EFHC2: variants seen among roughly 807,000 people sequenced by gnomAD.
The protein encoded by EFHC2 is EF-hand domain-containing family member C2.
EFHC2 carries 18 observed loss-of-function variants against 52.7 expected under a neutral mutation model. The ratio of observed to expected loss-of-function variants is 0.34; its 90% confidence interval spans 0.24 to 0.51. The LOEUF is 0.51. Among genes scored for constraint, EFHC2 ranks in the 20% least tolerant of loss-of-function variants. The pLI is 0.97. For synonymous variants in EFHC2, 203 were observed against 204.1 expected (o/e 0.99, Z 0.04); for missense variants, 513 against 562.5 (o/e 0.91, Z 0.89).
Position 44,248,360 on chromosome X carries a change from T to C in EFHC2, c.1023A>G (p.Gly341=), listed in dbSNP as rs1481759375. 1 of 1,179,485 alleles carries C rather than the reference T, an allele frequency of 8.5e-7. No individual in the cohort carries two copies. Among genetic ancestry groups the C allele is most frequent in the Non-Finnish European group, 1.1e-6 (1 of 878,371 alleles). The change falls in exon 7 of 15, where the codon GGA becomes GGG. Residue 341 remains glycine (G), a synonymous_variant. Coordinates refer to ENST00000420999, the MANE Select transcript of EFHC2 (RefSeq NM_025184.4). Reference sequence around the variant, plus strand: ...TTCTTCCCCACACATTGATGGTGACTCCTAGGGACAGGTCACTATCTTTGT... The same window carrying C: ...TTCTTCCCCACACATTGATGGTGACCCCTAGGGACAGGTCACTATCTTTGT... The part of the protein sequence containing the change: ...EFYKDSDLSL[G]VTINVWGRKV...
intron 1 of EFHC2, among the ~76,000 whole-genome samples, chrX:44,332,241 C>G (rs1308476338): frequency 1.8e-5 from 2 of 111,206 alleles, no homozygotes; most frequent in African/African-American, 6.6e-5. Context: ...TTTAACAGAA[C>G]AGTATGTTTC....
intron 1 of EFHC2, among the ~76,000 whole-genome samples, chrX:44,316,753 T>C (rs1390155744): frequency 1.8e-5 from 2 of 111,904 alleles, no homozygotes; most frequent in Non-Finnish European, 3.8e-5. Context: ...GTCTATTATA[T>C]AGAATATATA....
intron 1 of EFHC2, among the ~76,000 whole-genome samples, chrX:44,325,424 C>T (rs910143448): frequency 9.0e-6 from 1 of 110,796 alleles, no homozygotes; most frequent in Non-Finnish European, 1.9e-5. Context: ...ATCTCAACTC[C>T]CTGATTCCCA....
chrX:44,240,850 C>T (rs1394820235), intron 8 of EFHC2, among the ~76,000 whole-genome samples: 1 of 111,401 alleles, frequency 9.0e-6, no homozygotes, highest in Admixed American at 9.5e-5. Flanking sequence ...TCCTGAGAAG[C>T]ATCAAATCTA....
chrX:44,186,522 T>C (rs1449087722), intron 11 of EFHC2, among the ~76,000 whole-genome samples: 1 of 111,628 alleles, frequency 9.0e-6, no homozygotes, highest in African/African-American at 3.3e-5. Flanking sequence ...AGGGATTATT[T>C]GTCTCCAAGC....
intron 11 of EFHC2, among the ~76,000 whole-genome samples, chrX:44,213,861 A>G (rs2037122371): frequency 8.9e-6 from 1 of 112,064 alleles, no homozygotes; most frequent in Non-Finnish European, 1.9e-5. Context: ...TCCCTCAGGG[A>G]TACCCTTGCT....
intron 14 of EFHC2, among the ~76,000 whole-genome samples, chrX:44,155,769 T>C (rs1237289914): frequency 2.7e-5 from 3 of 112,499 alleles, no homozygotes; most frequent in African/African-American, 6.5e-5. Flanking sequence ...AACATGGCTT[T>C]GGAAATAATC....
rs943845911 is a variant in EFHC2, at chrX:44,315,528, C to T, written c.43-2772G>A. ...CATTTTTCCAATGAGGAAACCAAGG[C>T]AGAGAGAGGGAGACTGGCCCACCCA... On this transcript the variant is annotated intron_variant, in intron 1 of 14. Coordinates refer to ENST00000420999, the MANE Select transcript of EFHC2 (RefSeq NM_025184.4). Among the ~76,000 whole-genome samples, 6 of 111,103 alleles carry T rather than the reference C, an allele frequency of 5.4e-5. 1 individual carries two copies. The South Asian group carries it at 2.3e-3, about 42-fold the overall frequency.
At position 44,235,433 on chromosome X, in the gene EFHC2, C is replaced by A; in HGVS notation, c.1295G>T (p.Ser432Ile). The change falls in exon 9 of 15, where the codon AGC becomes ATC. Residue 432 changes from serine (S) to isoleucine (I), a missense_variant. Ser to Ile is a moderately radical substitution (Grantham distance 142). Coordinates refer to ENST00000420999, the MANE Select transcript of EFHC2 (RefSeq NM_025184.4). Reference protein sequence around the residue: ...FMEKDSYGSKSNILRFFAKLV... With the variant: ...FMEKDSYGSKINILRFFAKLV... ...TTTTGCAAAAAAACGGAGTATATTG[C>A]TTTTGGAGCCATAGCTAAATGGAAG... The A allele has an allele frequency of 8.4e-7, 1 of 1,188,999 alleles. No individual in the cohort carries two copies. Among genetic ancestry groups the A allele is most frequent in the Admixed American group, 2.3e-5 (1 of 43,358 alleles).
chrX:44,219,145 TAA>T (rs10669527), intron 11 of EFHC2, among the ~76,000 whole-genome samples: 12 of 79,326 alleles, frequency 1.5e-4, no homozygotes, highest in East Asian at 3.9e-4. Flanking sequence ...CACCTATAGT[TAA>T]AAAAAAAAAA....
At chrX:44,312,545 C>T in intron 2 of EFHC2, 23 bp downstream of exon 2, 1 of 1,143,198 alleles carries the variant, frequency 8.7e-7, no homozygotes, top group Non-Finnish European at 1.2e-6. Context: ...AGACTGCATT[C>T]CTCCCAGTGT....
At chrX:44,165,119 C>T (rs2036686194) in intron 13 of EFHC2, among the ~76,000 whole-genome samples, 1 of 111,465 alleles carries the variant, frequency 9.0e-6, no homozygotes, top group Non-Finnish European at 1.9e-5. Context: ...TTCCAGGCAC[C>T]CTATTCCAGG....
intron 4 of EFHC2, among the ~76,000 whole-genome samples, chrX:44,251,597 T>TAAAAAAAAAA (rs566022760): frequency 4.0e-4 from 5 of 12,551 alleles, no homozygotes; most frequent in Admixed American, 1.2e-3. Flanking sequence ...CAATACTCTG[T>TAAAAAAAAAA]AAAAAAAAAA....
chrX:44,259,688 G>A (rs144776179), intron 4 of EFHC2, among the ~76,000 whole-genome samples: 1 of 111,806 alleles, frequency 8.9e-6, no homozygotes, highest in Non-Finnish European at 1.9e-5. Context: ...TATGCAAAGG[G>A]TGGCAATTCA....
At chrX:44,274,970 A>G (rs1438841729) in intron 2 of EFHC2, among the ~76,000 whole-genome samples, 1 of 111,591 alleles carries the variant, frequency 9.0e-6, no homozygotes, top group African/African-American at 3.3e-5. Flanking sequence ...CTGGGGCTTC[A>G]TCAAACTTTC....
intron 14 of EFHC2, among the ~76,000 whole-genome samples, chrX:44,152,725 TACACACACACACAC>T (rs3037406): frequency 2.0e-5 from 2 of 99,411 alleles, no homozygotes; most frequent in East Asian, 6.4e-4. Flanking sequence ...AGTAAACCAT[TACACACACACACAC>T]ACACACACAC....
At chrX:44,163,829 T>C in intron 14 of EFHC2, 93 bp downstream of exon 14, 2 of 638,649 alleles carry the variant, frequency 3.1e-6, no homozygotes, top group Non-Finnish European at 4.9e-6. Flanking sequence ...CTGATGTTAA[T>C]ATTTTATAAT....
At chrX:44,206,417 A>G (rs755601579) in intron 11 of EFHC2, among the ~76,000 whole-genome samples, 2 of 111,873 alleles carry the variant, frequency 1.8e-5, no homozygotes, top group East Asian at 5.6e-4. Flanking sequence ...AGGCAGTCAA[A>G]TCATCTCTGT....
intron 13 of EFHC2, among the ~76,000 whole-genome samples, chrX:44,172,046 G>A (rs1380934862): frequency 8.9e-6 from 1 of 111,898 alleles, no homozygotes; most frequent in Non-Finnish European, 1.9e-5. Flanking sequence ...CAGGGCAGGG[G>A]GCAAGGCTGG....
Sources: allele counts gnomAD v4.1 joint callset (sites outside exome capture counted in the v4.1 genomes callset), GRCh38; gene constraint gnomAD v4.1.1; transcripts MANE v1.5; gene names NCBI Gene and HGNC (gene_info 2026-07-23, HGNC 2026-07-21).